Variants in SERF2 observed in about 807,000 individuals in gnomAD.
SERF2 encodes the protein small EDRK-rich factor 2, also known as gastric cancer-related protein VRG107.
In SERF2, 4 loss-of-function variants were observed where a neutral mutation model predicts 10.7. The ratio of observed to expected loss-of-function variants is 0.37; its 90% CI spans 0.18 to 0.86. SERF2 has a LOEUF of 0.86. Ranked by LOEUF, SERF2 falls within the 40% of genes least tolerant of loss-of-function variation. The pLI, the probability that SERF2 is intolerant of heterozygous loss-of-function variation, is 0.43. For synonymous variants in SERF2, 26 were observed against 26.0 expected (o/e 1.00, Z 0.01); for missense variants, 47 against 79.1 (o/e 0.59, Z 1.54).
In SERF2 at chr15:43,795,440, C is replaced by T. The variant is rs751850244; in HGVS notation, c.*1667C>T. 12 of 1,613,944 alleles carry T rather than the reference C, an allele frequency of 7.4e-6. No homozygotes were observed. Among genetic ancestry groups the T allele is most frequent in the South Asian group, 4.4e-5 (4 of 91,080 alleles). On this transcript the variant is annotated 3_prime_UTR_variant, in exon 3 of 3. Transcript: ENST00000249786. ...ACATAGAGTGAGGCAAGGAAGAAGA[C>T]GAAGTGGAAGGCAGAATAGTTGTAG...
At chr15:43,793,132 C>A in intron 2 of SERF2, 49 bp downstream of exon 2, 1 of 1,233,274 alleles carries the variant, frequency 8.1e-7, no homozygotes, top group Non-Finnish European at 1.2e-6. Flanking sequence ...CTGGGTTAGA[C>A]CAAGGGTTAT....
chr15:43,780,563 TC>T (rs2086956704), intron 1 of SERF2, among the ~76,000 whole-genome samples: 2 of 152,100 alleles, frequency 1.3e-5, no homozygotes, highest in Non-Finnish European at 2.9e-5. Flanking sequence ...ATTTAACAAT[TC>T]CCGATTTCCC....
chr15:43,782,823 C>A (rs1165832339), intron 1 of SERF2, among the ~76,000 whole-genome samples: 2 of 151,932 alleles, frequency 1.3e-5, no homozygotes. Context: ...ACTTTGCATA[C>A]CTTTATTTTA....
At position 43,794,893 on chromosome 15, in the gene SERF2, GA is replaced by G; in HGVS notation, c.*1121del. ...CATAGTATTGACTTCAGCCCAAACG[GA>G]GATAACTCCCTGTGTGTCCTTGAGG... On this transcript the variant is annotated 3_prime_UTR_variant, in exon 3 of 3. Coordinates refer to ENST00000249786, the MANE Select transcript of SERF2 (RefSeq NM_001018108.4). 1 of 842,102 alleles carries G rather than the reference GA, an allele frequency of 1.2e-6. No individual in the cohort carries two copies. The highest frequency in any genetic ancestry group is 1.9e-6 in the Non-Finnish European group (1 of 530,954). The allele number at this position is 842,102 out of a possible 1,614,324, so 52.2% of individuals were successfully genotyped here. A position where few individuals can be genotyped will look rare whatever the true frequency, so the allele number is the denominator to read the frequency against.
In SERF2 at chr15:43,794,928, T is replaced by C; in HGVS notation, c.*1155T>C. 1 of 1,194,472 alleles carries C rather than the reference T, an allele frequency of 8.4e-7. No homozygotes were observed. Among genetic ancestry groups the C allele is most frequent in the Non-Finnish European group, 1.2e-6 (1 of 840,750 alleles). The allele number at this position is 1,194,472 out of a possible 1,614,324, so 74.0% of individuals were successfully genotyped here. ...CCTGTGTGTCCTTGAGGTATTGAGC[T>C]GGGCTGGACAGCTCCCCTTGAGCCA... On this transcript the variant is annotated 3_prime_UTR_variant, in exon 3 of 3. Transcript: ENST00000249786.
At position 43,796,076 on chromosome 15, in the gene SERF2, G is replaced by A. The variant is rs555552798; in HGVS notation, c.*2303G>A. The A allele has an allele frequency of 9.7e-7, 1 of 1,026,724 alleles. No homozygotes were observed. Among genetic ancestry groups the A allele is most frequent in the East Asian group, 2.4e-5 (1 of 42,254 alleles). 63.6% of individuals were successfully genotyped at this position (1,026,724 alleles called of 1,614,324 possible). ...CAGCAGCTATAATCTGAGCATTCTG[G>A]GTAGAGGTTGGTAGGATGTGTGTGT... On this transcript the variant is annotated 3_prime_UTR_variant, in exon 3 of 3. Transcript: ENST00000249786.
At position 43,780,331 on chromosome 15, in the gene SERF2, A is replaced by C. The variant is rs562478438; in HGVS notation, c.-527+2829A>C. 2.6e-5 allele frequency among the ~76,000 whole-genome samples: 4 copies of C among 151,656 alleles called. No homozygotes were observed. In the East Asian group the frequency reaches 7.8e-4, roughly 29 times the overall value. ...ATTTTTTGTATTTTTTTTAGTAGAG[A>C]CGGGGTTTCGCCATGTTAGCCAGGA... On this transcript the variant is annotated intron_variant, in intron 1 of 4. Transcript: ENST00000381359.
At chr15:43,786,072 C>T (rs764413000) in intron 2 of SERF2, among the ~76,000 whole-genome samples, 11 of 151,948 alleles carry the variant, frequency 7.2e-5, no homozygotes, top group Non-Finnish European at 1.5e-4. Context: ...TTTTCTCCAA[C>T]GCTTGGTGAT....
chr15:43,780,541 AAC>A (rs1471506608), intron 1 of SERF2, among the ~76,000 whole-genome samples: 7 of 151,892 alleles, frequency 4.6e-5, no homozygotes, highest in Admixed American at 3.3e-4. Context: ...GGAAAACTGA[AAC>A]TCTATATCCA....
chr15:43,788,616 C>T (rs568320248), upstream of SERF2, among the ~76,000 whole-genome samples: 1 of 152,190 alleles, frequency 6.6e-6, no homozygotes, highest in Non-Finnish European at 1.5e-5. Context: ...CTGTGATAGT[C>T]TCCTGACTGG....
rs1298725982 is a variant in SERF2, at chr15:43,795,157, C to T, written c.*1384C>T. 2 of 1,614,122 alleles carry T rather than the reference C, an allele frequency of 1.2e-6. No homozygotes were observed. The highest frequency in any genetic ancestry group is 1.7e-6 in the Non-Finnish European group (2 of 1,180,024). On this transcript the variant is annotated 3_prime_UTR_variant, in exon 3 of 3. Transcript: ENST00000249786. ...GGCCCAGCATGAGGCAACCTTGACC[C>T]AGAAGGTGGCCCAGCTACCCTTGAT...
chr15:43,789,599 A>G (rs889289206), upstream of SERF2, among the ~76,000 whole-genome samples: 2 of 152,200 alleles, frequency 1.3e-5, no homozygotes, highest in African/African-American at 2.4e-5. Flanking sequence ...CATTCAAATT[A>G]CACTGACATC....
chr15:43,792,035 C>G, upstream of SERF2: 1 of 481,052 alleles, frequency 2.1e-6, no homozygotes, highest in South Asian at 2.2e-5. Flanking sequence ...CGGTCACGTG[C>G]TCGAGCCCGC....
chr15:43,785,798 T>C (rs544241088), intron 2 of SERF2, among the ~76,000 whole-genome samples: 1 of 148,762 alleles, frequency 6.7e-6, no homozygotes, highest in South Asian at 2.1e-4. Context: ...CTCCGCCTCC[T>C]GGGTTCAAGC....
exon 1 of SERF2, chr15:43,777,326 G>C: frequency 2.9e-6 from 1 of 344,970 alleles, no homozygotes; most frequent in Non-Finnish European, 5.8e-6. Context: ...CAGCCGCAGA[G>C]GGGCGGGAGA....
chr15:43,783,927 A>ATTTTTTTTTTTTTTTTT (rs71111825), intron 1 of SERF2, among the ~76,000 whole-genome samples: 6 of 48,150 alleles, frequency 1.2e-4, no homozygotes, highest in Non-Finnish European at 2.2e-4. Context: ...ACGCCCAGCT[A>ATTTTTTTTTTTTTTTTT]TTTTTTTTTT....
intron 1 of SERF2, among the ~76,000 whole-genome samples, chr15:43,783,827 T>C (rs2141669537): frequency 6.6e-6 from 1 of 151,354 alleles, no homozygotes; most frequent in East Asian, 1.9e-4. Context: ...GGTGACGTGA[T>C]CTTGGCTCAC....
upstream of SERF2, among the ~76,000 whole-genome samples, chr15:43,788,449 G>A (rs764016426): frequency 6.6e-6 from 1 of 152,164 alleles, no homozygotes; most frequent in Non-Finnish European, 1.5e-5. Context: ...TTAGTGCCTT[G>A]CTTGTAGAGA....
At chr15:43,786,310 G>A (rs1227196544) in intron 2 of SERF2, among the ~76,000 whole-genome samples, 1 of 151,248 alleles carries the variant, frequency 6.6e-6, no homozygotes, top group Non-Finnish European at 1.5e-5. Context: ...AGCTACTTGG[G>A]AGGCTGAGGC....
Sources: gnomAD v4.1 joint callset for allele counts (sites outside exome capture counted in the v4.1 genomes callset) on GRCh38, gnomAD v4.1.1 for gene constraint, MANE v1.5 for transcripts, NCBI Gene and HGNC (gene_info 2026-07-23, HGNC 2026-07-21) for gene names.